Variants in CCDC186 observed in about 807,000 individuals in gnomAD.
The protein encoded by CCDC186 is coiled-coil domain containing 186, also known as coiled-coil domain-containing protein 186.
In CCDC186, 49 loss-of-function variants were observed where a neutral mutation model predicts 113.7. That is an observed-to-expected ratio of 0.43 (90% CI 0.34 to 0.55). The LOEUF (loss-of-function observed/expected upper bound fraction) is 0.55. CCDC186 is among the 20% of genes least tolerant of loss of function. The pLI is 0.02. For synonymous variants in CCDC186, 355 were observed against 345.8 expected (o/e 1.03, Z -0.30); for missense variants, 890 against 1,011.1 (o/e 0.88, Z 1.62).
chr10:114,172,035 T>C (rs770416924), intron 1 of CCDC186, among the ~76,000 whole-genome samples: 7 of 152,158 alleles, frequency 4.6e-5, no homozygotes, highest in Non-Finnish European at 8.8e-5. Context: ...AAGTATAACA[T>C]TTGCAATACT....
At chr10:114,129,387 C>T (rs936199084) in intron 13 of CCDC186, among the ~76,000 whole-genome samples, 3 of 151,490 alleles carry the variant, frequency 2.0e-5, no homozygotes, top group Non-Finnish European at 4.4e-5. Flanking sequence ...TCACATAGAA[C>T]CCCATGACAA....
intron 14 of CCDC186, among the ~76,000 whole-genome samples, chr10:114,127,005 A>T (rs2030926190): frequency 6.6e-6 from 1 of 152,028 alleles, no homozygotes; most frequent in South Asian, 2.1e-4. Flanking sequence ...AAAATTAGAG[A>T]ACTCACGCAC....
At chr10:114,142,829 T>C (rs1459333675) in intron 6 of CCDC186, among the ~76,000 whole-genome samples, 1 of 152,190 alleles carries the variant, frequency 6.6e-6, no homozygotes. Context: ...ATTTACTAAG[T>C]GTCTCGTGTC....
rs775037036 is a variant in CCDC186, at chr10:114,144,503, T to G, written c.1215A>C (p.Ser405=). Residue 405 remains serine, a synonymous_variant, in exon 6 of 16, where the codon TCA becomes TCC. Transcript: ENST00000369287. ...AQNKLKAEMD[S]HKETKDKLKE... ...ATTGTATTACAGTACGTACCTTGTG[T>G]GAATCCATTTCAGCTTTTAATTTGT... 5 of 1,613,214 alleles carry G rather than the reference T, an allele frequency of 3.1e-6. No homozygotes were observed. The highest frequency in any genetic ancestry group is 3.4e-6 in the Non-Finnish European group (4 of 1,179,462).
intron 2 of CCDC186, among the ~76,000 whole-genome samples, chr10:114,160,765 T>C (rs1352540111): frequency 1.3e-5 from 2 of 152,200 alleles, no homozygotes; most frequent in East Asian, 3.8e-4. Context: ...GTTTTCTTCA[T>C]AGAAAATTAG....
intron 3 of CCDC186, among the ~76,000 whole-genome samples, chr10:114,152,308 CGCCA>C (rs1270274418): frequency 6.7e-6 from 1 of 149,740 alleles, no homozygotes; most frequent in Non-Finnish European, 1.5e-5. Flanking sequence ...CACCATGGTA[CGCCA>C]GCCAGAGTGA....
At chr10:114,137,399 G>A (rs2031299686) in intron 6 of CCDC186, 109 bp from the exon 7 acceptor site, 9 of 663,440 alleles carry the variant, frequency 1.4e-5, no homozygotes, top group South Asian at 3.6e-5. Flanking sequence ...CTGAGGGGCC[G>A]ATTATTATTC....
chr10:114,139,175 A>G (rs888987581), intron 6 of CCDC186, among the ~76,000 whole-genome samples: 8 of 151,984 alleles, frequency 5.3e-5, no homozygotes, highest in African/African-American at 9.7e-5. Context: ...GGGTTCCCCA[A>G]ATACCCAATA....
chr10:114,162,386 TTTGAG>T (rs2032196316), intron 2 of CCDC186: 1 of 245,674 alleles, frequency 4.1e-6, no homozygotes, highest in Admixed American at 5.8e-5. Context: ...AGTGAAAAAT[TTTGAG>T]TTGTCTATAA....
At position 114,162,755 on chromosome 10, in the gene CCDC186, A is replaced by G. The variant is rs757445974; in HGVS notation, c.514T>C (p.Ser172Pro). The G allele has an allele frequency of 4.3e-6, 7 of 1,613,972 alleles. No individual in the cohort carries two copies. The highest frequency in any genetic ancestry group is 2.2e-5 in the East Asian group (1 of 44,856). Reference sequence around the variant, plus strand: ...ACTCGATGTTCTGCAAACTCCGTAGATAAGAGCTCAGATTCTATTTCTTCC... The same window carrying G: ...ACTCGATGTTCTGCAAACTCCGTAGGTAAGAGCTCAGATTCTATTTCTTCC... ...LLEEIESELL[S>P]TEFAEHRVPN... Residue 172 changes from serine to proline, a missense_variant, in exon 2 of 16, where the codon TCT becomes CCT. Coordinates refer to ENST00000369287, the MANE Select transcript of CCDC186 (RefSeq NM_018017.4).
chr10:114,140,955 G>A (rs955920629), intron 6 of CCDC186, among the ~76,000 whole-genome samples: 2 of 151,148 alleles, frequency 1.3e-5, no homozygotes, highest in African/African-American at 2.4e-5. Flanking sequence ...AGGCTGGAGT[G>A]CAGTGGCATG....
rs751261960 is a variant in CCDC186, at chr10:114,163,283, A to G, written c.-15T>C. 4 of 1,592,254 alleles carry G rather than the reference A, an allele frequency of 2.5e-6. No individual in the cohort carries two copies. Among genetic ancestry groups the G allele is most frequent in the Admixed American group, 3.6e-5 (2 of 55,614 alleles). On this transcript the variant is annotated 5_prime_UTR_variant, in exon 2 of 16. Transcript: ENST00000369287. ...GTCTCTGACATGCTGACTGGCACCA[A>G]TTCACTTTGTAATTCTTCAAATCTG...
intron 4 of CCDC186, among the ~76,000 whole-genome samples, chr10:114,146,781 T>C (rs1437386008): frequency 6.6e-6 from 1 of 152,130 alleles, no homozygotes; most frequent in Non-Finnish European, 1.5e-5. Flanking sequence ...ACACTGATGA[T>C]GCAACTGAAT....
chr10:114,135,194 T>TC, intron 9 of CCDC186, 139 bp from the exon 10 acceptor site: 1 of 869,042 alleles, frequency 1.2e-6, no homozygotes, highest in Non-Finnish European at 1.6e-6. Flanking sequence ...AAGTTTACAA[T>TC]CCTAGCTTTT....
At position 114,121,603 on chromosome 10, in the gene CCDC186, A is replaced by G. The variant is rs1389281967; in HGVS notation, c.*3540T>C. 6.6e-6 allele frequency: 1 copy of G among 152,132 alleles called. No homozygotes were observed. Among genetic ancestry groups the G allele is most frequent in the African/African-American group, 2.4e-5 (1 of 41,418 alleles). 9.4% of individuals were successfully genotyped at this position (152,132 alleles called of 1,614,324 possible). A position where few individuals can be genotyped will look rare whatever the true frequency, so the allele number is the denominator to read the frequency against. On this transcript the variant is annotated 3_prime_UTR_variant, in exon 16 of 16. Transcript: ENST00000369287. ...AATAATGAAAATCAAACTATGATAA[A>G]AGTTAGGAAACGTGCAGAACCACCA...
chr10:114,145,494 CAAAG>C lies in CCDC186; in HGVS notation c.1101+51_1101+54del, dbSNP rs1474875014. On this transcript the variant is annotated intron_variant, in intron 5 of 15. Transcript: ENST00000369287. ...GATTATTTGATTAAATATGGAAAAG[CAAAG>C]AGAACAAATTTCAAATAAGGTCAAC... 4.3e-6 allele frequency: 6 copies of C among 1,391,262 alleles called. No homozygotes were observed. The African/African-American group carries it at 7.3e-5, about 17-fold the overall frequency. 86.2% of individuals were successfully genotyped at this position (1,391,262 alleles called of 1,614,324 possible). A position where few individuals can be genotyped will look rare whatever the true frequency, so the allele number is the denominator to read the frequency against.
chr10:114,122,650 C>T lies in CCDC186; in HGVS notation c.*2493G>A, dbSNP rs1471644474. 6.6e-6 allele frequency: 1 copy of T among 152,108 alleles called. No homozygotes were observed. The highest frequency in any genetic ancestry group is 2.4e-5 in the African/African-American group (1 of 41,450). 9.4% of individuals were successfully genotyped at this position (152,108 alleles called of 1,614,324 possible). On this transcript the variant is annotated 3_prime_UTR_variant, in exon 16 of 16. Transcript: ENST00000369287. ...TTTTCCAGATACCCCATTCTCCTCA[C>T]CATATATTCAGAGGGCAGAAGGCCC...
intron 3 of CCDC186, among the ~76,000 whole-genome samples, chr10:114,156,776 T>G (rs1300810970): frequency 6.6e-6 from 1 of 151,786 alleles, no homozygotes; most frequent in Non-Finnish European, 1.5e-5. Context: ...AAGGACAGGC[T>G]AGGAAAGCCA....
chr10:114,124,316 A>T lies in CCDC186; in HGVS notation c.*827T>A, dbSNP rs1370032397. 2.3e-5 allele frequency: 3 copies of T among 133,164 alleles called. No individual in the cohort carries two copies. Among genetic ancestry groups the T allele is most frequent in the Non-Finnish European group, 4.9e-5 (3 of 61,556 alleles). The allele number at this position is 133,164 out of a possible 1,614,324, so 8.2% of individuals were successfully genotyped here. A position where few individuals can be genotyped will look rare whatever the true frequency, so the allele number is the denominator to read the frequency against. On this transcript the variant is annotated 3_prime_UTR_variant, in exon 16 of 16. Coordinates refer to ENST00000369287, the MANE Select transcript of CCDC186 (RefSeq NM_018017.4). ...CTTTTGGAAGCTGGTTCTTCATATT[A>T]TCTTTACACAAGGTCAGTAAAACTA... is the stretch of plus-strand genomic sequence containing the variant.
Sources: gnomAD v4.1 joint callset for allele counts (sites outside exome capture counted in the v4.1 genomes callset) on GRCh38, gnomAD v4.1.1 for gene constraint, MANE v1.5 for transcripts, NCBI Gene and HGNC (gene_info 2026-07-23, HGNC 2026-07-21) for gene names.